Variants in CSMD3 observed in about 807,000 individuals in gnomAD.
CSMD3 encodes CUB and Sushi multiple domains 3.
CSMD3 carries 177 observed loss-of-function variants against 435.2 expected under a neutral mutation model. The observed-to-expected ratio is 0.41, with a 90% CI of 0.36 to 0.46. CSMD3 has a LOEUF of 0.46. Ranked by LOEUF, CSMD3 falls within the 20% of genes least tolerant of loss-of-function variation. The probability of loss-of-function intolerance (pLI) is 0.34; values close to 1 mark genes in which losing one functional copy is unlikely to be tolerated. For synonymous variants in CSMD3, 1,656 were observed against 1,520.5 expected (o/e 1.09, Z -2.07); for missense variants, 4,265 against 4,504.6 (o/e 0.95, Z 1.52).
At chr8:113,019,303 C>T in intron 5 of CSMD3, 124 bp from the exon 6 acceptor site, 2 of 706,060 alleles carry the variant, frequency 2.8e-6, no homozygotes, top group Non-Finnish European at 5.1e-6. Context: ...ACTTTTTAAG[C>T]ACAAATGAAA....
At chr8:113,084,861 G>T (rs1417039601) in intron 5 of CSMD3, among the ~76,000 whole-genome samples, 1 of 151,858 alleles carries the variant, frequency 6.6e-6, no homozygotes, top group East Asian at 1.9e-4. Flanking sequence ...ATACACTGGG[G>T]ACAGAACCCC....
chr8:112,439,726 G>T (rs1210179211), intron 32 of CSMD3, among the ~76,000 whole-genome samples: 2 of 152,070 alleles, frequency 1.3e-5, no homozygotes, highest in African/African-American at 4.8e-5. Context: ...ATGTCAGGAA[G>T]AAGAAGAATG....
chr8:113,285,088 T>C (rs906593568), intron 2 of CSMD3, among the ~76,000 whole-genome samples: 5 of 152,192 alleles, frequency 3.3e-5, no homozygotes, highest in Non-Finnish European at 7.3e-5. Flanking sequence ...TAATCAGTTT[T>C]GGTTTTTGCA....
chr8:112,367,842 T>C, intron 38 of CSMD3, among the ~76,000 whole-genome samples: 1 of 152,214 alleles, frequency 6.6e-6, no homozygotes, highest in East Asian at 1.9e-4. Flanking sequence ...ACATTTTAAA[T>C]CTATACCATT....
chr8:113,407,027 C>T (rs1320525957), intron 1 of CSMD3, among the ~76,000 whole-genome samples: 1 of 151,828 alleles, frequency 6.6e-6, no homozygotes, highest in Non-Finnish European at 1.5e-5. Context: ...GTTGTGTTTA[C>T]CAAATTAGTA....
chr8:112,317,374 C>T (rs936936540), intron 47 of CSMD3, among the ~76,000 whole-genome samples: 84 of 152,106 alleles, frequency 5.5e-4, no homozygotes, highest in African/African-American at 1.9e-3. Flanking sequence ...TCTCCAAGAG[C>T]TCACAATATA....
rs546488940 is a variant in CSMD3, at chr8:112,765,442, A to T, written c.1972+34720T>A. The stretch of plus-strand genomic sequence containing the variant: ...ATCATTAGGTGGTTGAATGTGTGCG[A>T]CTGAATTCTTTTATTAAGTACCTGA... On this transcript the variant is annotated intron_variant, in intron 13 of 70. Coordinates refer to ENST00000297405, the MANE Select transcript of CSMD3 (RefSeq NM_198123.2). Among the ~76,000 whole-genome samples, 94 of 151,678 alleles carry T rather than the reference A, an allele frequency of 6.2e-4. 1 individual carries two copies. The highest frequency in any genetic ancestry group is 8.4e-4 in the Non-Finnish European group (57 of 67,686).
Position 112,244,536 on chromosome 8 carries a change from T to TG in CSMD3, c.10259dup (p.Asn3421LysfsTer31). ...ATGGAAGGTCCATCCCTACGACATT[T>TG]GCATGAGCAGGAGTTTCTGGCTGTT... On this transcript the variant is annotated frameshift_variant, in exon 65 of 71. Transcript: ENST00000297405. LOFTEE classifies it high-confidence loss of function. The TG allele has an allele frequency of 6.2e-7, 1 of 1,613,880 alleles. No homozygotes were observed. The highest frequency in any genetic ancestry group is 8.5e-7 in the Non-Finnish European group (1 of 1,179,852).
chr8:112,403,841 A>T (rs1765175034), intron 35 of CSMD3, among the ~76,000 whole-genome samples: 1 of 152,152 alleles, frequency 6.6e-6, no homozygotes. Context: ...AAAATTATAA[A>T]TATCAGAAAT....
intron 59 of CSMD3, among the ~76,000 whole-genome samples, chr8:112,266,779 A>G (rs1273747422): frequency 6.6e-6 from 1 of 152,246 alleles, no homozygotes; most frequent in African/African-American, 2.4e-5. Flanking sequence ...CAAAGATTAT[A>G]TATGTCACAC....
intron 27 of CSMD3, among the ~76,000 whole-genome samples, chr8:112,548,644 G>A (rs1586658521): frequency 6.6e-6 from 1 of 152,144 alleles, no homozygotes; most frequent in Middle Eastern, 3.4e-3. Flanking sequence ...TGTATATAAA[G>A]CATTTAACTT....
chr8:113,388,232 G>A (rs963370692), intron 1 of CSMD3, among the ~76,000 whole-genome samples: 4 of 151,458 alleles, frequency 2.6e-5, no homozygotes, highest in African/African-American at 7.3e-5. Context: ...TGAGGCAAGA[G>A]ACAAACATAA....
In CSMD3 at chr8:113,290,399, A is replaced by G. The variant is rs73701356; in HGVS notation, c.402-11695T>C. ...GTTTTGATTCTGTTTTTAAGTCAAT[A>G]TTTTATTTACAAAGCTATTAGAGAC... On this transcript the variant is annotated intron_variant, in intron 2 of 70. Transcript: ENST00000297405. Among the ~76,000 whole-genome samples, 1,168 of 151,754 alleles carry G rather than the reference A, an allele frequency of 7.7e-3. 18 individuals carry two copies. The highest frequency in any genetic ancestry group is 0.027 in the African/African-American group (1,118 of 41,512).
intron 17 of CSMD3, among the ~76,000 whole-genome samples, chr8:112,662,491 T>C (rs2075409712): frequency 6.6e-6 from 1 of 151,964 alleles, no homozygotes; most frequent in South Asian, 2.1e-4. Context: ...TGAAACTGGA[T>C]CCCTTCCTTA....
At chr8:113,394,179 C>CACAT (rs2094473243) in intron 1 of CSMD3, among the ~76,000 whole-genome samples, 2 of 151,688 alleles carry the variant, frequency 1.3e-5, no homozygotes, top group African/African-American at 4.8e-5. Context: ...CACACACACA[C>CACAT]ACACACACAC....
chr8:112,343,001 T>TATTTATA (rs1554647587), intron 41 of CSMD3, among the ~76,000 whole-genome samples: 4 of 109,678 alleles, frequency 3.6e-5, no homozygotes, highest in Admixed American at 9.8e-5. Context: ...ATATATATAT[T>TATTTATA]TATATATATA....
intron 4 of CSMD3, among the ~76,000 whole-genome samples, chr8:113,114,232 A>G (rs2090755096): frequency 6.6e-6 from 1 of 152,188 alleles, no homozygotes; most frequent in South Asian, 2.1e-4. Flanking sequence ...TTATGTGTCT[A>G]TTAGGAAGCC....
chr8:112,335,036 G>A (rs368538850), intron 45 of CSMD3, among the ~76,000 whole-genome samples: 10 of 152,248 alleles, frequency 6.6e-5, no homozygotes, highest in Admixed American at 5.2e-4. Context: ...ACTAGAGTAT[G>A]AACAGCTGGT....
At chr8:112,722,472 C>T (rs1481741693) in intron 13 of CSMD3, among the ~76,000 whole-genome samples, 24 of 152,036 alleles carry the variant, frequency 1.6e-4, no homozygotes, top group Admixed American at 1.4e-3. Flanking sequence ...GGTGAAAGCA[C>T]GTGGTATTTG....
Sources: gnomAD v4.1 joint callset for allele counts (sites outside exome capture counted in the v4.1 genomes callset) on GRCh38, gnomAD v4.1.1 for gene constraint, MANE v1.5 for transcripts, NCBI Gene and HGNC (gene_info 2026-07-23, HGNC 2026-07-21) for gene names.